Variants in PRDM16 observed in about 807,000 individuals in gnomAD.
PRDM16 encodes PR/SET domain 16, also known as histone-lysine N-methyltransferase PRDM16.
A neutral mutation model predicts 110.6 loss-of-function variants in PRDM16; 23 were observed. That is an observed-to-expected ratio of 0.21 (90% CI 0.15 to 0.29). PRDM16 has a LOEUF of 0.29. Among genes scored for constraint, PRDM16 ranks in the 10% least tolerant of loss-of-function variants. The pLI is 1.00. For synonymous variants in PRDM16, 799 were observed against 781.8 expected, an observed-to-expected ratio of 1.02 and a Z score of -0.37; for missense variants, 1,615 against 1,794.3, an observed-to-expected ratio of 0.90 and a Z score of 1.81.
At chr1:3,423,252 G>T (rs986334826) in intron 12 of PRDM16, among the ~76,000 whole-genome samples, 1 of 152,134 alleles carries the variant, frequency 6.6e-6, no homozygotes, top group African/African-American at 2.4e-5. Flanking sequence ...AGGCAGCCTG[G>T]GGAGTTGGGG....
At chr1:3,415,332 G>A (rs1343295897) in intron 10 of PRDM16, among the ~76,000 whole-genome samples, 8 of 152,238 alleles carry the variant, frequency 5.3e-5, no homozygotes, top group Non-Finnish European at 1.2e-4. Context: ...CTTCCGCAGC[G>A]CCATGGGCTG....
Position 3,433,707 on chromosome 1 carries a change from GAC to G in PRDM16, c.3730_3731del (p.Thr1244SerfsTer92). The G allele has an allele frequency of 6.2e-7, 1 of 1,613,936 alleles. No individual in the cohort carries two copies. The highest frequency in any genetic ancestry group is 8.5e-7 in the Non-Finnish European group (1 of 1,179,912). On this transcript the variant is annotated frameshift_variant, in exon 17 of 17. Coordinates refer to ENST00000270722, the MANE Select transcript of PRDM16 (RefSeq NM_022114.4). LOFTEE classifies it low-confidence loss of function (END_TRUNC). ...TGCAATGATGCTGTCCCTTTCCGAAGACACTCCTCTCCACACCCCCTCCCAGG... is the reference window on the plus strand; with the variant it reads ...TGCAATGATGCTGTCCCTTTCCGAAGACTCCTCTCCACACCCCCTCCCAGG... ...AYAMMLSLSE[D>X]TPLHTPSQGS...
At chr1:3,371,032 CCATT>C (rs1275539236) in intron 3 of PRDM16, among the ~76,000 whole-genome samples, 5 of 151,194 alleles carry the variant, frequency 3.3e-5, no homozygotes, top group East Asian at 2.0e-4. Flanking sequence ...ACCCATCCAT[CCATT>C]AATTTATTCA....
intron 3 of PRDM16, among the ~76,000 whole-genome samples, chr1:3,315,884 G>A (rs1314970439): frequency 2.0e-5 from 3 of 152,180 alleles, no homozygotes; most frequent in Non-Finnish European, 4.4e-5. Context: ...ATGAGGTGGG[G>A]GTGGCAAAGA....
intron 16 of PRDM16, among the ~76,000 whole-genome samples, chr1:3,432,573 G>A (rs920414881): frequency 3.9e-5 from 6 of 152,350 alleles, no homozygotes; most frequent in Middle Eastern, 3.4e-3. Context: ...TGAGGTCAGC[G>A]AGGGTGCCAG....
intron 2 of PRDM16, among the ~76,000 whole-genome samples, chr1:3,187,913 A>T (rs1644290030): frequency 6.6e-6 from 1 of 152,182 alleles, no homozygotes; most frequent in South Asian, 2.1e-4. Context: ...CTGCAGCTCT[A>T]CGGGCAGCCC....
intron 3 of PRDM16, among the ~76,000 whole-genome samples, chr1:3,372,937 C>G (rs1429368328): frequency 6.6e-6 from 1 of 152,114 alleles, no homozygotes; most frequent in Non-Finnish European, 1.5e-5. Context: ...CCTGCGGGCT[C>G]GGGGAATGAC....
In PRDM16 at chr1:3,243,253, C is replaced by G. The variant is rs1035007353; in HGVS notation, c.388-834C>G. 1.2e-4 allele frequency among the ~76,000 whole-genome samples: 19 copies of G among 152,332 alleles called. No individual in the cohort carries two copies. The highest frequency in any genetic ancestry group is 3.4e-3 in the Middle Eastern group (1 of 292). On this transcript the variant is annotated intron_variant, in intron 2 of 16. Coordinates refer to ENST00000270722, the MANE Select transcript of PRDM16 (RefSeq NM_022114.4). This position sits in a 1 kb window ranked among gnomAD's most constrained non-coding sequence, Gnocchi z 5.5. Reference sequence around the variant, plus strand: ...GGCACCTGCATGGCACTAGGCACAGCGGCTTTTCTGCCTTAGCTCCATTTC... The same window carrying G: ...GGCACCTGCATGGCACTAGGCACAGGGGCTTTTCTGCCTTAGCTCCATTTC...
intron 3 of PRDM16, among the ~76,000 whole-genome samples, chr1:3,356,182 C>G (rs1481469125): frequency 7.9e-5 from 12 of 152,242 alleles, no homozygotes; most frequent in Admixed American, 7.8e-4. Context: ...CTTTCGCACA[C>G]CAGCACGCGG....
chr1:3,098,758 G>A lies in PRDM16; in HGVS notation c.37+29462G>A, dbSNP rs542839199. On this transcript the variant is annotated intron_variant, in intron 1 of 16. Transcript: ENST00000270722. ...TTCAGTCTTCTGGACAGGCCCGGGG[G>A]CTTCCCTCTGATGCCCTTGCTGCTC... 2.4e-4 allele frequency among the ~76,000 whole-genome samples: 37 copies of A among 152,348 alleles called. No individual in the cohort carries two copies. In the South Asian group the frequency reaches 5.0e-3, roughly 20 times the overall value.
rs1292651999 is a variant in PRDM16 at position 3,412,100 on chromosome 1, A to C, written c.1903A>C (p.Lys635Gln). Residue 635 changes from lysine to glutamine, a missense_variant, in exon 9 of 17, where the codon AAG becomes CAG. Transcript: ENST00000270722. ...LDSDVDSDPD[K>Q]DKGKGKSAEG... is the part of the protein sequence containing the mutation. Reference sequence around the variant, plus strand: ...CAGCGACGTGGACAGCGACCCTGACAAGGACAAGGGCAAGGGCAAGTCCGC... The same window carrying C: ...CAGCGACGTGGACAGCGACCCTGACCAGGACAAGGGCAAGGGCAAGTCCGC... 8.2e-6 allele frequency: 13 copies of C among 1,585,410 alleles called. No individual in the cohort carries two copies. The highest frequency in any genetic ancestry group is 1.1e-5 in the Non-Finnish European group (13 of 1,164,242).
chr1:3,088,536 G>A (rs923544831), intron 1 of PRDM16, among the ~76,000 whole-genome samples: 1 of 149,768 alleles, frequency 6.7e-6, no homozygotes. Flanking sequence ...CGCGATCTCA[G>A]CTCACTGCAA....
At chr1:3,079,867 G>T (rs1437539801) in intron 1 of PRDM16, among the ~76,000 whole-genome samples, 1 of 152,216 alleles carries the variant, frequency 6.6e-6, no homozygotes, top group Non-Finnish European at 1.5e-5. Context: ...CTCTGTTTTT[G>T]TTGATCAGCA....
chr1:3,310,835 T>C (rs892990098), intron 3 of PRDM16, among the ~76,000 whole-genome samples: 8 of 152,086 alleles, frequency 5.3e-5, no homozygotes, highest in African/African-American at 1.4e-4. Context: ...CTGGTGTGGA[T>C]TGTGCATATG....
chr1:3,352,772 C>G (rs976708776), intron 3 of PRDM16, among the ~76,000 whole-genome samples: 10 of 152,222 alleles, frequency 6.6e-5, no homozygotes, highest in African/African-American at 2.4e-4. Context: ...ATATTGAAAA[C>G]AGACATGAGA....
intron 3 of PRDM16, chr1:3,307,852 C>T (rs937484866): frequency 1.3e-5 from 2 of 152,140 alleles, no homozygotes; most frequent in African/African-American, 2.4e-5. Flanking sequence ...GAGAACATAC[C>T]AAGGCCACGT....
rs1446248791 is a variant in PRDM16, at chr1:3,191,000, C to A, written c.387+4526C>A. ...GCTGGGGCGGGATCCCGCAGGACCC[C>A]CAGGGGAGGCACTGGGGGCACTTTG... On this transcript the variant is annotated intron_variant, in intron 2 of 16. Transcript: ENST00000270722. This position sits in a 1 kb window ranked among gnomAD's most constrained non-coding sequence, Gnocchi z 5.0. 6.6e-6 allele frequency among the ~76,000 whole-genome samples: 1 copy of A among 152,002 alleles called. No individual in the cohort carries two copies. Among genetic ancestry groups the A allele is most frequent in the African/African-American group, 2.4e-5 (1 of 41,380 alleles).
At chr1:3,260,497 C>G (rs1640134891) in intron 3 of PRDM16, among the ~76,000 whole-genome samples, 1 of 151,868 alleles carries the variant, frequency 6.6e-6, no homozygotes, top group African/African-American at 2.4e-5. Flanking sequence ...ATGGTGGTGA[C>G]TATACAAGTT....
intron 2 of PRDM16, among the ~76,000 whole-genome samples, chr1:3,237,437 G>A (rs946156284): frequency 6.6e-6 from 1 of 152,114 alleles, no homozygotes; most frequent in African/African-American, 2.4e-5. Flanking sequence ...TCCTCGTGTT[G>A]ATGTTGCTGT....
Sources: allele counts gnomAD v4.1 joint callset (sites outside exome capture counted in the v4.1 genomes callset), GRCh38; gene constraint gnomAD v4.1.1; non-coding constraint Gnocchi (gnomAD v3.1); transcripts MANE v1.5; gene names NCBI Gene and HGNC (gene_info 2026-07-23, HGNC 2026-07-21).